Variants in SECISBP2 observed in about 807,000 individuals in gnomAD.
SECISBP2 encodes SECIS binding protein 2.
Under a neutral mutation model 98.2 loss-of-function variants are expected in SECISBP2, and 96 were observed. The observed-to-expected ratio is 0.98, with a 90% confidence interval of 0.83 to 1.16. SECISBP2 has a LOEUF of 1.16. Among genes scored for constraint, SECISBP2 ranks in the 50% most tolerant of loss-of-function variants. The pLI, the probability that SECISBP2 is intolerant of heterozygous loss-of-function variation, is 0.00. For missense variants in SECISBP2, 1,046 were observed against 1,022.9 expected (o/e 1.02, Z -0.31); for synonymous variants, 407 against 370.2 (o/e 1.10, Z -1.14).
chr9:89,333,189 CAA>C (rs1828042791), intron 6 of SECISBP2, among the ~76,000 whole-genome samples: 1 of 152,108 alleles, frequency 6.6e-6, no homozygotes, highest in South Asian at 2.1e-4. Context: ...AAATAAGAGA[CAA>C]GAATTCTAAA....
Position 89,359,583 on chromosome 9 carries a change from T to G in SECISBP2, c.*759T>G, listed in dbSNP as rs947113330. ...TTAGACCAGGAGGACAGAGTTTGCT[T>G]TCATATTTTCCCTGTAAGTAAGAGG... On this transcript the variant is annotated 3_prime_UTR_variant, in exon 17 of 17. Coordinates refer to ENST00000375807, the MANE Select transcript of SECISBP2 (RefSeq NM_024077.5). The G allele has an allele frequency of 6.6e-6, 1 of 152,216 alleles. No individual in the cohort carries two copies. Among genetic ancestry groups the G allele is most frequent in the South Asian group, 2.1e-4 (1 of 4,828 alleles). 9.4% of individuals were successfully genotyped at this position (152,216 alleles called of 1,614,324 possible). A position where few individuals can be genotyped will look rare whatever the true frequency, so the allele number is the denominator to read the frequency against.
In SECISBP2 at chr9:89,328,818, G is replaced by A. The variant is rs745350838; in HGVS notation, c.733G>A (p.Val245Ile). ...ACAGAAGCAACCCAAGTGGGGACCT[G>A]TCCACTCTGTCTCTACCGACATTTC... ...EIQKQPKWGP[V>I]HSVSTDISLL... The change falls in exon 5 of 17, where the codon GTC (valine) becomes ATC (isoleucine). Residue 245 changes from valine (V) to isoleucine (I), a missense_variant. Transcript: ENST00000375807. The A allele has an allele frequency of 7.4e-6, 12 of 1,614,206 alleles. No individual in the cohort carries two copies. The highest frequency in any genetic ancestry group is 1.0e-5 in the Non-Finnish European group (12 of 1,180,008).
At chr9:89,325,327 C>T in intron 2 of SECISBP2, 100 bp from the exon 3 acceptor site, 6 of 1,148,958 alleles carry the variant, frequency 5.2e-6, no homozygotes, top group Non-Finnish European at 7.6e-6. Context: ...AGTGAATGGT[C>T]TCAGAAATAT....
At position 89,319,507 on chromosome 9, in the gene SECISBP2, G is replaced by C. The variant is rs1025929763; in HGVS notation, c.37-145G>C. ...ATTGGGGAGAAATCGTTAGCAAGCA[G>C]GTTCTTGTCTTTACGAGGCAGAAGT... On this transcript the variant is annotated intron_variant, in intron 1 of 16. Coordinates refer to ENST00000375807, the MANE Select transcript of SECISBP2 (RefSeq NM_024077.5). 23 of 894,098 alleles carry C rather than the reference G, an allele frequency of 2.6e-5. No individual in the cohort carries two copies. In the Admixed American group the frequency reaches 4.3e-4, roughly 17 times the overall value. The allele number at this position is 894,098 out of a possible 1,614,324, so 55.4% of individuals were successfully genotyped here.
At chr9:89,343,897 G>A (rs1356431950) in intron 10 of SECISBP2, among the ~76,000 whole-genome samples, 1 of 152,154 alleles carries the variant, frequency 6.6e-6, no homozygotes, top group Non-Finnish European at 1.5e-5. Context: ...TCTGTTTTTA[G>A]GTCTGCTGAA....
At position 89,358,915 on chromosome 9, in the gene SECISBP2, A is replaced by T. The variant is rs960821560; in HGVS notation, c.*91A>T. 1.3e-6 allele frequency: 1 copy of T among 799,172 alleles called. No individual in the cohort carries two copies. The highest frequency in any genetic ancestry group is 1.7e-5 in the African/African-American group (1 of 58,720). The allele number at this position is 799,172 out of a possible 1,614,324, so 49.5% of individuals were successfully genotyped here. On this transcript the variant is annotated 3_prime_UTR_variant, in exon 17 of 17. Transcript: ENST00000375807. The stretch of plus-strand genomic sequence containing the variant: ...TTTCTTCTGTTTTTCATGACAATGT[A>T]ATTTGTGTAACTGTTGAATCTGGAA...
At chr9:89,347,667 CGAG>C (rs1325173743) in intron 11 of SECISBP2, among the ~76,000 whole-genome samples, 1 of 151,988 alleles carries the variant, frequency 6.6e-6, no homozygotes, top group African/African-American at 2.4e-5. Flanking sequence ...TTAGTAGAGA[CGAG>C]GTCTCATCAC....
At chr9:89,352,950 CTGTT>C (rs1224843909) in intron 14 of SECISBP2, among the ~76,000 whole-genome samples, 2 of 151,576 alleles carry the variant, frequency 1.3e-5, no homozygotes, top group African/African-American at 2.4e-5. Flanking sequence ...GTAGTTTGCT[CTGTT>C]TGTTTTGGCC....
downstream of SECISBP2, chr9:89,364,132 G>A (rs1833204193): frequency 3.1e-6 from 4 of 1,310,476 alleles, no homozygotes; most frequent in African/African-American, 2.9e-5. Flanking sequence ...CGGGAGCCTT[G>A]GCCTTGGCCC....
chr9:89,361,397 G>A (rs1363038195), downstream of SECISBP2: 4 of 152,228 alleles, frequency 2.6e-5, no homozygotes, highest in African/African-American at 9.7e-5. Context: ...CCAGAGGGGT[G>A]CGGCTTGACT....
At chr9:89,354,765 A>G (rs1831811371) in intron 14 of SECISBP2, 1 of 985,298 alleles carries the variant, frequency 1.0e-6, no homozygotes, top group Non-Finnish European at 1.2e-6. Context: ...GTTTCTGCAC[A>G]GTGCTCAAAT....
At chr9:89,350,610 T>C (rs747372364) in intron 13 of SECISBP2, 22 bp from the exon 14 acceptor site, 30 of 1,607,926 alleles carry the variant, frequency 1.9e-5, no homozygotes, top group Non-Finnish European at 2.6e-5. Context: ...GCACAATTCC[T>C]GATGTCTGAT....
chr9:89,355,531 T>A, intron 14 of SECISBP2: 1 of 978,900 alleles, frequency 1.0e-6, no homozygotes, highest in Non-Finnish European at 1.2e-6. Flanking sequence ...ACCTTTTTTA[T>A]AAGTTAGCCC....
chr9:89,347,465 C>CTTTTTTTTTTTTTTTTT (rs1184563393), intron 11 of SECISBP2, among the ~76,000 whole-genome samples: 1 of 87,396 alleles, frequency 1.1e-5, no homozygotes, highest in African/African-American at 4.4e-5. Context: ...CCGGTGAATT[C>CTTTTTTTTTTTTTTTTT]TTTTTTTTTT....
At position 89,325,579 on chromosome 9, in the gene SECISBP2, T is replaced by G. The variant is rs1425715305; in HGVS notation, c.335T>G (p.Leu112Arg). The G allele has an allele frequency of 2.5e-6, 4 of 1,614,170 alleles. No individual in the cohort carries two copies. The South Asian group carries it at 3.3e-5, about 13-fold the overall frequency. The change falls in exon 3 of 17, where the codon CTT (leucine) becomes CGT (arginine). Residue 112 changes from leucine (L) to arginine (R), a missense_variant. Transcript: ENST00000375807. ...TACTCAGTGCCTGGCTCCCAGTATC[T>G]TTATAACCAACCCAGTTGTTACCGA... ...NVYSVPGSQY[L>R]YNQPSCYRGF... is the part of the protein sequence containing the mutation.
At chr9:89,337,992 C>T (rs1293913618) in intron 7 of SECISBP2, among the ~76,000 whole-genome samples, 1 of 152,202 alleles carries the variant, frequency 6.6e-6, no homozygotes, top group Non-Finnish European at 1.5e-5. Context: ...GGTTAGGGGC[C>T]TGTAGGAATG....
At chr9:89,332,821 C>A in intron 5 of SECISBP2, 87 bp from the exon 6 acceptor site, 1 of 1,053,920 alleles carries the variant, frequency 9.5e-7, no homozygotes, top group African/African-American at 1.6e-5. Context: ...TTTCTGTTGT[C>A]AAAGTGTTCT....
chr9:89,333,898 G>T, intron 6 of SECISBP2: 1 of 317,786 alleles, frequency 3.1e-6, no homozygotes, highest in Non-Finnish European at 4.6e-6. Flanking sequence ...TTCACAGGCT[G>T]CTCTGAGGAT....
intron 7 of SECISBP2, among the ~76,000 whole-genome samples, chr9:89,336,760 C>CT (rs960394086): frequency 1.7e-5 from 2 of 118,196 alleles, no homozygotes; most frequent in African/African-American, 7.0e-5. Flanking sequence ...AGCCCACTGT[C>CT]TAATTCTTTT....
Sources: gnomAD v4.1 joint callset for allele counts (sites outside exome capture counted in the v4.1 genomes callset) on GRCh38, gnomAD v4.1.1 for gene constraint, MANE v1.5 for transcripts, NCBI Gene and HGNC (gene_info 2026-07-23, HGNC 2026-07-21) for gene names.